SNX25: variants seen among roughly 807,000 people sequenced by gnomAD.
The protein encoded by SNX25 is sorting nexin 25.
A neutral mutation model predicts 113.7 loss-of-function variants in SNX25; 62 were observed. The observed-to-expected ratio is 0.55, with a 90% CI of 0.44 to 0.67. The LOEUF (loss-of-function observed/expected upper bound fraction) is 0.67. SNX25 is among the 30% of genes least tolerant of loss of function. The probability of loss-of-function intolerance (pLI) is 0.00; values close to 1 mark genes in which losing one functional copy is unlikely to be tolerated. For synonymous variants in SNX25, 421 were observed against 436.2 expected (o/e 0.97, Z 0.43); for missense variants, 1,014 against 1,161.0 (o/e 0.87, Z 1.84).
At chr4:185,330,095 G>A (rs2095183735) in intron 9 of SNX25, among the ~76,000 whole-genome samples, 1 of 152,228 alleles carries the variant, frequency 6.6e-6, no homozygotes, top group Non-Finnish European at 1.5e-5. Flanking sequence ...ATAAACCTGA[G>A]AGGGGCTTCT....
rs1298885618 is a variant in SNX25 at position 185,210,398 on chromosome 4, G to A, written c.429+143G>A. 64 of 838,006 alleles carry A rather than the reference G, an allele frequency of 7.6e-5. No homozygotes were observed. The highest frequency in any genetic ancestry group is 1.3e-4 in the Admixed American group (2 of 15,192). 51.9% of individuals were successfully genotyped at this position (838,006 alleles called of 1,614,324 possible). On this transcript the variant is annotated intron_variant, in intron 1 of 18. Transcript: ENST00000652585. The surrounding 1 kb of genome is among the most constrained non-coding windows in gnomAD (Gnocchi z 4.4). ...AGCCAGGGGGCTGGGCTGCGGGCCC[G>A]GCCGTGGACGCGAGCGTTCCCCGGC...
chr4:185,239,229 C>T (rs1743136956), intron 1 of SNX25, among the ~76,000 whole-genome samples: 1 of 149,192 alleles, frequency 6.7e-6, no homozygotes. Flanking sequence ...CACCTGTAAT[C>T]CCAGCACTTT....
chr4:185,362,034 C>CAATCAG lies in SNX25; in HGVS notation c.2765_2770dup (p.Ile922_Arg923dup). 1 of 1,613,994 alleles carries CAATCAG rather than the reference C, an allele frequency of 6.2e-7. No homozygotes were observed. Among genetic ancestry groups the CAATCAG allele is most frequent in the Non-Finnish European group, 8.5e-7 (1 of 1,179,956 alleles). On this transcript the variant is annotated inframe_insertion, in exon 17 of 19. Coordinates refer to ENST00000652585, the MANE Select transcript of SNX25 (RefSeq NM_001378034.2). ...AATGGGAAGTTGGCACCACCGACCA[C>CAATCAG]AATCAGAAGCAAAGAGCAAAGTCAG...
At chr4:185,376,554 G>A in the SNX25 span, among the ~76,000 whole-genome samples, 1 of 149,742 alleles carries the variant, frequency 6.7e-6, no homozygotes, top group Middle Eastern at 3.6e-3. Flanking sequence ...TCGGCCTCCC[G>A]AAGTACTGGG....
intron 2 of SNX25, among the ~76,000 whole-genome samples, chr4:185,252,337 C>T (rs993715544): frequency 6.6e-5 from 10 of 152,056 alleles, no homozygotes; most frequent in Admixed American, 1.3e-4. Context: ...TTTCTAAACC[C>T]GGCACCAATA....
intron 9 of SNX25, among the ~76,000 whole-genome samples, chr4:185,325,702 A>G (rs1048399464): frequency 6.6e-6 from 1 of 152,222 alleles, no homozygotes; most frequent in East Asian, 1.9e-4. Flanking sequence ...AGACCTTTTT[A>G]AAGCCAAGCC....
chr4:185,215,336 G>C (rs762378819), intron 1 of SNX25, among the ~76,000 whole-genome samples: 1 of 152,150 alleles, frequency 6.6e-6, no homozygotes, highest in Non-Finnish European at 1.5e-5. Flanking sequence ...TGCCCTCTCC[G>C]GCCCAGTAGA....
downstream of SNX25, among the ~76,000 whole-genome samples, chr4:185,371,773 T>G (rs536231998): frequency 6.8e-4 from 103 of 152,250 alleles, no homozygotes; most frequent in Non-Finnish European, 1.1e-3. Flanking sequence ...CAATCACTCC[T>G]GTAAGTGGTC....
At chr4:185,338,147 T>C (rs1157855580) in intron 10 of SNX25, among the ~76,000 whole-genome samples, 1 of 152,238 alleles carries the variant, frequency 6.6e-6, no homozygotes, top group African/African-American at 2.4e-5. Flanking sequence ...TGTTCTTTGA[T>C]GCACAGAGTT....
rs552365723 is a variant in SNX25, at chr4:185,332,624, C to G, written c.1779C>G (p.Ala593=). Residue 593 remains alanine (A), a synonymous_variant, in exon 10 of 19, where the codon GCC becomes GCG. Transcript: ENST00000652585. Reference sequence around the variant, plus strand: ...CAAGAGATGAGGCTGGTGAGGAAGCCGTGGATGATGGTACCAATCAGATCA... The same window carrying G: ...CAAGAGATGAGGCTGGTGAGGAAGCGGTGGATGATGGTACCAATCAGATCA... The part of the protein sequence containing the change: ...MGPRDEAGEE[A]VDDGTNQINE... 3 of 1,613,322 alleles carry G rather than the reference C, an allele frequency of 1.9e-6. No individual in the cohort carries two copies. Among genetic ancestry groups the G allele is most frequent in the African/African-American group, 1.3e-5 (1 of 74,864 alleles).
At chr4:185,323,866 C>T in intron 9 of SNX25, 66 bp downstream of exon 9, 3 of 1,561,292 alleles carry the variant, frequency 1.9e-6, no homozygotes, top group Non-Finnish European at 2.6e-6. Flanking sequence ...TAAGTGGGTG[C>T]ATATTGTGTG....
At chr4:185,351,313 G>A in intron 13 of SNX25, 132 bp from the exon 14 acceptor site, 1 of 847,638 alleles carries the variant, frequency 1.2e-6, no homozygotes, top group Non-Finnish European at 1.9e-6. Flanking sequence ...GGGGGAAAGG[G>A]AAGTGGTTTT....
At chr4:185,353,364 C>A in intron 14 of SNX25, 121 bp from the exon 15 acceptor site, 1 of 706,130 alleles carries the variant, frequency 1.4e-6, no homozygotes, top group Non-Finnish European at 2.4e-6. Context: ...TGCATGAAAA[C>A]TAAAGAATTA....
At chr4:185,240,634 C>T (rs548679788) in intron 1 of SNX25, among the ~76,000 whole-genome samples, 2 of 147,940 alleles carry the variant, frequency 1.4e-5, no homozygotes, top group Non-Finnish European at 3.0e-5. Context: ...GACGGAGCGG[C>T]TGGCTGGGCG....
chr4:185,328,677 A>G (rs1179572624), intron 9 of SNX25, among the ~76,000 whole-genome samples: 1 of 152,296 alleles, frequency 6.6e-6, no homozygotes, highest in African/African-American at 2.4e-5. Flanking sequence ...CCCTGTGATA[A>G]TGAGAGGGAT....
At chr4:185,303,244 C>T (rs577072341) in intron 6 of SNX25, among the ~76,000 whole-genome samples, 29 of 152,152 alleles carry the variant, frequency 1.9e-4, no homozygotes, top group Admixed American at 5.2e-4. Context: ...GATTTGGGAA[C>T]GGGGTTCTGC....
At chr4:185,359,448 T>C (rs146177073) in intron 16 of SNX25, among the ~76,000 whole-genome samples, 136 of 152,330 alleles carry the variant, frequency 8.9e-4, no homozygotes, top group African/African-American at 3.0e-3. Flanking sequence ...TTTTTTGTTT[T>C]AGTCTAAGGC....
intron 6 of SNX25, among the ~76,000 whole-genome samples, chr4:185,291,259 A>G (rs962838810): frequency 6.6e-6 from 1 of 152,194 alleles, no homozygotes; most frequent in Non-Finnish European, 1.5e-5. Context: ...GTTCTGTGGC[A>G]TTAATTACAT....
chr4:185,268,078 G>C (rs1457988824), intron 5 of SNX25, among the ~76,000 whole-genome samples: 22 of 152,134 alleles, frequency 1.4e-4, no homozygotes, highest in Admixed American at 1.4e-3. Context: ...GACTCATGCA[G>C]TTCAAACCTA....
Sources: allele counts gnomAD v4.1 joint callset (sites outside exome capture counted in the v4.1 genomes callset), GRCh38; gene constraint gnomAD v4.1.1; non-coding constraint Gnocchi (gnomAD v3.1); transcripts MANE v1.5; gene names NCBI Gene and HGNC (gene_info 2026-07-23, HGNC 2026-07-21).